The following TAFA2 variants were observed in gnomAD, a reference collection of about 807,000 sequenced individuals.
TAFA2 encodes TAFA chemokine like family member 2.
In TAFA2, 7 loss-of-function variants were observed where a neutral mutation model predicts 18.8. That is an observed-to-expected ratio of 0.37 (90% CI 0.21 to 0.70). The LOEUF (loss-of-function observed/expected upper bound fraction) is 0.70, where lower values mean the gene tolerates loss of function less well. Among genes scored for constraint, TAFA2 ranks in the 30% least tolerant of loss-of-function variants. The probability of loss-of-function intolerance (pLI) is 0.53; values close to 1 mark genes in which losing one functional copy is unlikely to be tolerated. For missense variants in TAFA2, 122 were observed against 158.1 expected (o/e 0.77, Z 1.23); for synonymous variants, 60 against 54.2 (o/e 1.11, Z -0.47).
intron 1 of TAFA2, among the ~76,000 whole-genome samples, chr12:62,216,829 A>G (rs2062737860): frequency 6.6e-6 from 1 of 152,240 alleles, no homozygotes; most frequent in Non-Finnish European, 1.5e-5. Flanking sequence ...GTCAAAACAT[A>G]GCATTGGTTC....
intron 4 of TAFA2, among the ~76,000 whole-genome samples, chr12:61,733,684 T>C (rs1304630790): frequency 6.6e-6 from 1 of 150,910 alleles, no homozygotes; most frequent in Non-Finnish European, 1.5e-5. Flanking sequence ...AGCCTTGTAG[T>C]ATAGTTTGAA....
intron 2 of TAFA2, among the ~76,000 whole-genome samples, chr12:61,807,096 G>A (rs551843508): frequency 6.8e-6 from 1 of 147,226 alleles, no homozygotes; most frequent in East Asian, 1.9e-4. Context: ...TATCTCCAGG[G>A]CATGTCAGAC....
chr12:62,165,943 A>T (rs61920607), intron 1 of TAFA2, among the ~76,000 whole-genome samples: 7,675 of 110,262 alleles, frequency 0.07, 382 homozygotes, highest in African/African-American at 0.18. Context: ...TCTCTCTCAC[A>T]CACACACACA....
At chr12:62,190,268 A>C (rs552467081) in intron 1 of TAFA2, among the ~76,000 whole-genome samples, 2 of 152,198 alleles carry the variant, frequency 1.3e-5, no homozygotes, top group Admixed American at 6.5e-5. Flanking sequence ...CTTTTCAGAC[A>C]GGATAACTCA....
intron 1 of TAFA2, among the ~76,000 whole-genome samples, chr12:61,892,011 G>C (rs1875656782): frequency 6.6e-6 from 1 of 151,282 alleles, no homozygotes; most frequent in Non-Finnish European, 1.5e-5. Context: ...GGTAAATGTA[G>C]CAGAAGTAGG....
chr12:62,243,089 T>G (rs1425416113), intron 1 of TAFA2, among the ~76,000 whole-genome samples: 4 of 152,262 alleles, frequency 2.6e-5, no homozygotes, highest in African/African-American at 9.6e-5. Flanking sequence ...TTTAGATTTT[T>G]TAAATATTAA....
intron 1 of TAFA2, among the ~76,000 whole-genome samples, chr12:61,940,346 T>C (rs189936784): frequency 1.2e-3 from 184 of 152,248 alleles, no homozygotes; most frequent in Admixed American, 3.4e-3. Context: ...GATGGTGGTA[T>C]GGAGAAAATA....
At chr12:61,901,848 G>A (rs1876115234) in intron 1 of TAFA2, among the ~76,000 whole-genome samples, 1 of 152,010 alleles carries the variant, frequency 6.6e-6, no homozygotes, top group African/African-American at 2.4e-5. Flanking sequence ...TCCTGCCTCT[G>A]ATCTGTCATT....
intron 1 of TAFA2, chr12:62,234,523 G>T: frequency 2.1e-6 from 2 of 969,994 alleles, no homozygotes; most frequent in South Asian, 1.3e-5. Context: ...ACATTTATAT[G>T]GTCAATGTCT....
chr12:61,784,920 G>A (rs950944645), intron 2 of TAFA2, among the ~76,000 whole-genome samples: 8 of 151,364 alleles, frequency 5.3e-5, no homozygotes, highest in African/African-American at 1.9e-4. Flanking sequence ...AGAGTTATTA[G>A]TGTATCCATC....
intron 2 of TAFA2, among the ~76,000 whole-genome samples, chr12:61,784,863 G>A (rs1440401295): frequency 6.7e-6 from 1 of 148,724 alleles, no homozygotes; most frequent in African/African-American, 2.5e-5. Flanking sequence ...TATATTTATG[G>A]AACACATAGT....
chr12:62,180,253 A>G (rs925839201), intron 1 of TAFA2, among the ~76,000 whole-genome samples: 8 of 152,180 alleles, frequency 5.3e-5, no homozygotes, highest in African/African-American at 1.7e-4. Flanking sequence ...ATCTTTTTCA[A>G]TAAGTACCAC....
chr12:61,827,106 C>T (rs1872560491), intron 2 of TAFA2: 1 of 151,930 alleles, frequency 6.6e-6, no homozygotes. Flanking sequence ...CAAAGTGATG[C>T]CAATAGAAGT....
At chr12:62,213,981 T>C (rs568585370) in intron 1 of TAFA2, among the ~76,000 whole-genome samples, 1 of 152,334 alleles carries the variant, frequency 6.6e-6, no homozygotes, top group African/African-American at 2.4e-5. Flanking sequence ...AGTTCCCAGT[T>C]TGCATCATTA....
intron 1 of TAFA2, among the ~76,000 whole-genome samples, chr12:62,003,946 T>C (rs1173174633): frequency 2.0e-5 from 3 of 152,196 alleles, no homozygotes; most frequent in African/African-American, 7.2e-5. Flanking sequence ...ACGTTTCTAA[T>C]TGACTCATAT....
chr12:62,001,072 G>C (rs1480072035), intron 1 of TAFA2, among the ~76,000 whole-genome samples: 2 of 152,174 alleles, frequency 1.3e-5, no homozygotes, highest in African/African-American at 4.8e-5. Context: ...AAAAGGCAGG[G>C]GAAAGAACAT....
At chr12:61,872,937 C>G (rs1204040266) in intron 1 of TAFA2, among the ~76,000 whole-genome samples, 1 of 152,116 alleles carries the variant, frequency 6.6e-6, no homozygotes, top group African/African-American at 2.4e-5. Flanking sequence ...ATTCTATTCA[C>G]TATTTTATAC....
intron 4 of TAFA2, among the ~76,000 whole-genome samples, chr12:61,721,215 A>G (rs997598135): frequency 6.6e-6 from 1 of 152,218 alleles, no homozygotes. Flanking sequence ...TCTTGTGAGT[A>G]TTTGGGGAGC....
intron 1 of TAFA2, among the ~76,000 whole-genome samples, chr12:62,055,420 AATG>A (rs1228495341): frequency 2.6e-5 from 4 of 152,180 alleles, no homozygotes; most frequent in African/African-American, 9.7e-5. Flanking sequence ...AACTTATTAC[AATG>A]ATAAGTATAA....
Sources: allele counts gnomAD v4.1 joint callset (sites outside exome capture counted in the v4.1 genomes callset), GRCh38; gene constraint gnomAD v4.1.1; transcripts MANE v1.5; gene names NCBI Gene and HGNC (gene_info 2026-07-23, HGNC 2026-07-21).